Variants in CNTN6 observed in about 807,000 individuals in gnomAD.
CNTN6 encodes contactin 6.
In CNTN6, 137 loss-of-function variants were observed where a neutral mutation model predicts 122.8. The observed-to-expected ratio is 1.12, with a 90% CI of 0.97 to 1.29. CNTN6 has a LOEUF of 1.29. Ranked by LOEUF, CNTN6 falls within the 50% of genes most tolerant of loss-of-function variation. The pLI is 0.00. For synonymous variants in CNTN6, 570 were observed against 426.0 expected (o/e 1.34, Z -4.16); for missense variants, 1,634 against 1,223.4 (o/e 1.34, Z -5.01).
intron 5 of CNTN6, among the ~76,000 whole-genome samples, chr3:1,289,315 G>A (rs765633620): frequency 1.3e-5 from 2 of 152,160 alleles, no homozygotes; most frequent in Non-Finnish European, 2.9e-5. Flanking sequence ...GGGGAGAAGG[G>A]AGCAGGGCAG....
chr3:1,129,892 T>C (rs2125095145), intron 1 of CNTN6, among the ~76,000 whole-genome samples: 2 of 152,234 alleles, frequency 1.3e-5, no homozygotes, highest in East Asian at 1.9e-4. Context: ...TAAAATAGTT[T>C]GTTTTTTAAA....
intron 4 of CNTN6, among the ~76,000 whole-genome samples, chr3:1,254,914 T>G (rs936182869): frequency 1.1e-4 from 16 of 152,144 alleles, no homozygotes; most frequent in Admixed American, 2.0e-4. Context: ...GTTTACTCGG[T>G]GGTTCCTCTG....
intron 5 of CNTN6, among the ~76,000 whole-genome samples, chr3:1,281,035 A>T (rs942805761): frequency 6.6e-6 from 1 of 152,144 alleles, no homozygotes; most frequent in Non-Finnish European, 1.5e-5. Context: ...GGCTCACCTG[A>T]TACAGATCAT....
intron 1 of CNTN6, among the ~76,000 whole-genome samples, chr3:1,106,449 TG>T (rs2091226283): frequency 6.6e-6 from 1 of 152,080 alleles, no homozygotes; most frequent in Non-Finnish European, 1.5e-5. Flanking sequence ...GGAACAAACC[TG>T]TGTTTGATTT....
chr3:1,344,356 G>A (rs372715417), intron 11 of CNTN6, among the ~76,000 whole-genome samples: 3 of 152,142 alleles, frequency 2.0e-5, no homozygotes, highest in Admixed American at 2.0e-4. Flanking sequence ...CAGACAGGCT[G>A]TATAGAGAAA....
chr3:1,281,464 CTT>C (rs4065407), intron 5 of CNTN6, among the ~76,000 whole-genome samples: 3,089 of 136,800 alleles, frequency 0.023, 58 homozygotes, highest in African/African-American at 0.054. Context: ...TAAAAGTTGA[CTT>C]TTTTTTTTTT....
chr3:1,094,793 T>C (rs1218137501), intron 1 of CNTN6, among the ~76,000 whole-genome samples: 2 of 152,088 alleles, frequency 1.3e-5, no homozygotes, highest in East Asian at 1.9e-4. Flanking sequence ...AAATGCTCAG[T>C]AGTATAATAG....
At chr3:1,175,289 A>C (rs1409421947) in intron 2 of CNTN6, among the ~76,000 whole-genome samples, 1 of 150,528 alleles carries the variant, frequency 6.6e-6, no homozygotes, top group African/African-American at 2.5e-5. Context: ...CACTTGATCT[A>C]AGGAGTTCAA....
intron 1 of CNTN6, among the ~76,000 whole-genome samples, chr3:1,109,677 C>CA (rs941262335): frequency 1.3e-5 from 2 of 151,896 alleles, no homozygotes; most frequent in Non-Finnish European, 2.9e-5. Flanking sequence ...GTTATATCTG[C>CA]AAAAATGATA....
At chr3:1,205,165 G>A (rs1251560810) in intron 2 of CNTN6, among the ~76,000 whole-genome samples, 1 of 152,080 alleles carries the variant, frequency 6.6e-6, no homozygotes, top group African/African-American at 2.4e-5. Context: ...AGGAACGTGG[G>A]CAGTCTCTAG....
intron 7 of CNTN6, among the ~76,000 whole-genome samples, chr3:1,321,041 G>A (rs1230434489): frequency 6.6e-6 from 1 of 151,126 alleles, no homozygotes. Context: ...TTTTTTTGAG[G>A]ATCATAGAGC....
In CNTN6 at chr3:1,321,766, G is replaced by A. The variant is rs780074087; in HGVS notation, c.878G>A (p.Gly293Asp). ...CCGAACTTCCAACAAGAAGATGAAGGCTTTTATGAGTGCATTGCAAGCAAC... is the reference window on the plus strand; with the variant it reads ...CCGAACTTCCAACAAGAAGATGAAGACTTTTATGAGTGCATTGCAAGCAAC... ...EIPNFQQEDE[G>D]FYECIASNLR... The change falls in exon 8 of 23, where the codon GGC becomes GAC. Residue 293 changes from glycine (G) to aspartate (D), a missense_variant. Physicochemically the swap from Gly to Asp is moderately conservative, Grantham distance 94. Transcript: ENST00000446702. 60 of 1,611,834 alleles carry A rather than the reference G, an allele frequency of 3.7e-5. No individual in the cohort carries two copies. The highest frequency in any genetic ancestry group is 5.1e-5 in the Non-Finnish European group (60 of 1,178,640).
intron 3 of CNTN6, among the ~76,000 whole-genome samples, chr3:1,223,499 T>C (rs2094236853): frequency 2.0e-5 from 3 of 152,154 alleles, no homozygotes; most frequent in Admixed American, 2.0e-4. Flanking sequence ...CACATGAGAA[T>C]ATGAAGTCCA....
chr3:1,384,796 T>TACACACACAC (rs1168789647), intron 19 of CNTN6, among the ~76,000 whole-genome samples: 6 of 133,802 alleles, frequency 4.5e-5, no homozygotes, highest in African/African-American at 1.7e-4. Context: ...TATATATATA[T>TACACACACAC]ACACACACAC....
intron 12 of CNTN6, among the ~76,000 whole-genome samples, chr3:1,371,294 A>ATCT (rs1708975800): frequency 6.6e-6 from 1 of 152,068 alleles, no homozygotes; most frequent in Non-Finnish European, 1.5e-5. Context: ...CCCATGGAGA[A>ATCT]ATAGATTCTC....
At chr3:1,383,218 A>T (rs758401063) in intron 18 of CNTN6, 42 bp downstream of exon 18, 4 of 1,593,042 alleles carry the variant, frequency 2.5e-6, no homozygotes, top group Non-Finnish European at 2.6e-6. Context: ...GACTCTATGC[A>T]TAGTTTGTGT....
chr3:1,292,191 A>G (rs1281816560), intron 5 of CNTN6, among the ~76,000 whole-genome samples: 1 of 152,156 alleles, frequency 6.6e-6, no homozygotes, highest in Non-Finnish European at 1.5e-5. Context: ...CACCTCCAGC[A>G]GCCACGAGTC....
At chr3:1,279,869 G>C (rs530622374) in intron 5 of CNTN6, among the ~76,000 whole-genome samples, 4 of 152,116 alleles carry the variant, frequency 2.6e-5, no homozygotes, top group South Asian at 2.1e-4. Context: ...TATCTTATTC[G>C]GTATTATTAG....
At chr3:1,372,133 C>A (rs144175642) in intron 12 of CNTN6, among the ~76,000 whole-genome samples, 166 bp from the exon 13 acceptor site, 13 of 151,956 alleles carry the variant, frequency 8.6e-5, no homozygotes, top group Non-Finnish European at 1.8e-4. Context: ...ATAATAAATA[C>A]AAGACATTTA....
Sources: allele counts gnomAD v4.1 joint callset (sites outside exome capture counted in the v4.1 genomes callset), GRCh38; gene constraint gnomAD v4.1.1; transcripts MANE v1.5; gene names NCBI Gene and HGNC (gene_info 2026-07-23, HGNC 2026-07-21).